The following GRIK2 variants were observed in gnomAD, a reference collection of about 807,000 sequenced individuals.
The protein encoded by GRIK2 is glutamate receptor ionotropic, kainate 2.
A neutral mutation model predicts 100.3 loss-of-function variants in GRIK2; 32 were observed. The observed-to-expected ratio is 0.32, with a 90% CI of 0.24 to 0.43. The LOEUF is 0.43. GRIK2 is among the 20% of genes least tolerant of loss of function. GRIK2 has a pLI of 1.00. For synonymous variants in GRIK2, 417 were observed against 389.4 expected, an observed-to-expected ratio of 1.07 and a Z score of -0.83; for missense variants, 843 against 1,114.9, an observed-to-expected ratio of 0.76 and a Z score of 3.47.
At position 101,589,463 on chromosome 6, in the gene GRIK2, A is replaced by G. The variant is rs537614449; in HGVS notation, c.116-32486A>G. On this transcript the variant is annotated intron_variant, in intron 2 of 16. Coordinates refer to ENST00000369134, the MANE Select transcript of GRIK2 (RefSeq NM_021956.5). ...TCTCCAACACCCACCCACCACCACA[A>G]CTATTCTAGCTGCCAGTAAACACCA... Among the ~76,000 whole-genome samples the G allele has an allele frequency of 2.2e-4, 34 of 152,160 alleles. No homozygotes were observed. The East Asian group carries it at 6.2e-3, about 28-fold the overall frequency.
intron 2 of GRIK2, among the ~76,000 whole-genome samples, chr6:101,583,603 A>C (rs559947124): frequency 6.6e-6 from 1 of 152,238 alleles, no homozygotes; most frequent in East Asian, 1.9e-4. Flanking sequence ...CTAAGGCCCT[A>C]TATAGTGATG....
At chr6:101,882,320 A>C (rs946567869) in intron 11 of GRIK2, among the ~76,000 whole-genome samples, 1 of 152,128 alleles carries the variant, frequency 6.6e-6, no homozygotes, top group African/African-American at 2.4e-5. Flanking sequence ...TTGAGAGTGC[A>C]CAACAAAATC....
At chr6:101,803,105 A>T (rs1780773731) in intron 9 of GRIK2, among the ~76,000 whole-genome samples, 1 of 151,838 alleles carries the variant, frequency 6.6e-6, no homozygotes, top group South Asian at 2.1e-4. Context: ...AAATCTTTTT[A>T]TATGTTATTT....
At chr6:102,048,893 G>A (rs929240553) in intron 15 of GRIK2, among the ~76,000 whole-genome samples, 3 of 151,740 alleles carry the variant, frequency 2.0e-5, no homozygotes, top group African/African-American at 4.8e-5. Context: ...ATGTCCTTTC[G>A]GAGGTGGCCA....
intron 2 of GRIK2, among the ~76,000 whole-genome samples, chr6:101,417,413 C>G (rs1251798546): frequency 1.3e-5 from 2 of 152,158 alleles, no homozygotes; most frequent in Non-Finnish European, 2.9e-5. Flanking sequence ...TATACAACCT[C>G]AGCACAAATG....
At chr6:101,979,580 T>A (rs2128488780) in intron 14 of GRIK2, among the ~76,000 whole-genome samples, 1 of 152,014 alleles carries the variant, frequency 6.6e-6, no homozygotes, top group Non-Finnish European at 1.5e-5. Flanking sequence ...TCCCTCTTAA[T>A]CCCTCTTGAT....
At chr6:101,433,331 C>G (rs554892235) in intron 2 of GRIK2, among the ~76,000 whole-genome samples, 23 of 152,252 alleles carry the variant, frequency 1.5e-4, no homozygotes, top group South Asian at 6.2e-4. Flanking sequence ...GCTGAAAAGC[C>G]CAGAATGCAG....
chr6:102,013,100 T>C (rs1215901365), intron 14 of GRIK2, among the ~76,000 whole-genome samples: 1 of 152,116 alleles, frequency 6.6e-6, no homozygotes, highest in Admixed American at 6.5e-5. Context: ...TGTGTCATCT[T>C]TGATTTCTTT....
intron 15 of GRIK2, among the ~76,000 whole-genome samples, chr6:102,047,840 T>TA (rs1303817259): frequency 2.0e-5 from 3 of 151,596 alleles, no homozygotes; most frequent in Admixed American, 1.3e-4. Context: ...TAATTTCTCA[T>TA]AAAAAATAGA....
At chr6:101,847,913 C>T (rs1254444283) in intron 10 of GRIK2, among the ~76,000 whole-genome samples, 2 of 152,008 alleles carry the variant, frequency 1.3e-5, no homozygotes, top group Non-Finnish European at 2.9e-5. Context: ...TCTTACCCAC[C>T]AGGTGGCAGG....
intron 14 of GRIK2, among the ~76,000 whole-genome samples, chr6:101,945,677 C>CTTTCCTA (rs1208482995): frequency 4.6e-5 from 7 of 152,152 alleles, no homozygotes; most frequent in African/African-American, 1.7e-4. Context: ...ATTTCAATCA[C>CTTTCCTA]TTTCCTAAGA....
chr6:101,692,947 G>A (rs906298541), intron 7 of GRIK2, among the ~76,000 whole-genome samples: 1 of 152,064 alleles, frequency 6.6e-6, no homozygotes, highest in Admixed American at 6.5e-5. Context: ...AGCATGGAAT[G>A]TGAATAACAG....
At chr6:101,632,011 G>A (rs1260322281) in intron 4 of GRIK2, among the ~76,000 whole-genome samples, 1 of 152,062 alleles carries the variant, frequency 6.6e-6, no homozygotes, top group Non-Finnish European at 1.5e-5. Context: ...TGAGCCAGTA[G>A]ACACCTTTTA....
At position 101,753,282 on chromosome 6, in the gene GRIK2, CA is replaced by C. The variant is rs774187168; in HGVS notation, c.952-46346del. On this transcript the variant is annotated intron_variant, in intron 7 of 16. Transcript: ENST00000369134. Reference sequence around the variant, plus strand: ...TGGGCGGCAGAGCGAGACTCCGTCTCAAAAAAAAAAAAAAAAAAAAGAAAAT... The same window carrying C: ...TGGGCGGCAGAGCGAGACTCCGTCTCAAAAAAAAAAAAAAAAAAAGAAAAT... Among the ~76,000 whole-genome samples, 99 of 70,902 alleles carry C rather than the reference CA, an allele frequency of 1.4e-3. 1 individual carries two copies. Among genetic ancestry groups the C allele is most frequent in the East Asian group, 5.5e-3 (10 of 1,820 alleles). 46.5% of individuals were successfully genotyped at this position (70,902 alleles called of 152,430 possible). A position where few individuals can be genotyped will look rare whatever the true frequency, so the allele number is the denominator to read the frequency against.
chr6:101,976,187 A>G (rs1562081942), intron 14 of GRIK2, among the ~76,000 whole-genome samples: 1 of 152,002 alleles, frequency 6.6e-6, no homozygotes, highest in Non-Finnish European at 1.5e-5. Flanking sequence ...ACTGGGTAAC[A>G]GTAAACATAG....
intron 12 of GRIK2, among the ~76,000 whole-genome samples, chr6:101,899,074 AAGAG>A (rs1021722933): frequency 7.3e-5 from 11 of 151,046 alleles, no homozygotes; most frequent in African/African-American, 2.2e-4. Flanking sequence ...CATATATAGA[AAGAG>A]AGAGGTTTCT....
chr6:101,744,185 G>T (rs371707154), intron 7 of GRIK2, among the ~76,000 whole-genome samples: 1 of 151,648 alleles, frequency 6.6e-6, no homozygotes, highest in African/African-American at 2.4e-5. Flanking sequence ...CTCATGATCC[G>T]CCCGCCTCGG....
chr6:101,860,297 G>T (rs945345326), intron 11 of GRIK2, among the ~76,000 whole-genome samples: 2 of 152,052 alleles, frequency 1.3e-5, no homozygotes, highest in East Asian at 3.9e-4. Context: ...CATAGTCTCT[G>T]GTTGGAAGCC....
At chr6:101,885,421 T>G (rs1786545425) in intron 11 of GRIK2, among the ~76,000 whole-genome samples, 1 of 152,244 alleles carries the variant, frequency 6.6e-6, no homozygotes, top group South Asian at 2.1e-4. Context: ...ATGAGCATTG[T>G]TAAGTCATCT....
Sources: gnomAD v4.1 joint callset for allele counts (sites outside exome capture counted in the v4.1 genomes callset) on GRCh38, gnomAD v4.1.1 for gene constraint, MANE v1.5 for transcripts, NCBI Gene and HGNC (gene_info 2026-07-23, HGNC 2026-07-21) for gene names.